Variants in CCDC73 observed in about 807,000 individuals in gnomAD.
CCDC73 encodes coiled-coil domain containing 73.
CCDC73 carries 95 observed loss-of-function variants against 116.5 expected under a neutral mutation model. That is an observed-to-expected ratio of 0.82 (90% CI 0.69 to 0.97). The LOEUF is 0.97. Among genes scored for constraint, CCDC73 ranks in the 50% least tolerant of loss-of-function variants. CCDC73 has a pLI of 0.00. For missense variants in CCDC73, 1,066 were observed against 1,206.8 expected (o/e 0.88, Z 1.73); for synonymous variants, 398 against 401.3 (o/e 0.99, Z 0.10).
At chr11:32,608,266 A>G (rs1421800706) in intron 17 of CCDC73, among the ~76,000 whole-genome samples, 1 of 152,214 alleles carries the variant, frequency 6.6e-6, no homozygotes, top group African/African-American at 2.4e-5. Context: ...AGACAAGGCA[A>G]GTCCCTTCCA....
intron 9 of CCDC73, among the ~76,000 whole-genome samples, chr11:32,660,204 G>A (rs1379949944): frequency 1.6e-5 from 2 of 123,276 alleles, no homozygotes; most frequent in African/African-American, 6.3e-5. Flanking sequence ...AATTCACCCA[G>A]TCTCTTTGGG....
At chr11:32,730,042 C>T (rs759995771) in intron 2 of CCDC73, among the ~76,000 whole-genome samples, 44 of 152,258 alleles carry the variant, frequency 2.9e-4, no homozygotes, top group East Asian at 1.2e-3. Context: ...GTTTATGTTA[C>T]GCATTTGTGA....
chr11:32,621,024 GAC>G (rs1468678642), intron 14 of CCDC73, among the ~76,000 whole-genome samples: 8 of 152,090 alleles, frequency 5.3e-5, no homozygotes, highest in African/African-American at 1.9e-4. Flanking sequence ...AATAAGAGAG[GAC>G]ACAAACAAAT....
chr11:32,759,969 C>T (rs975185875), intron 2 of CCDC73, 140 bp downstream of exon 2: 1 of 686,694 alleles, frequency 1.5e-6, no homozygotes, highest in Non-Finnish European at 2.5e-6. Flanking sequence ...CTGTCCTATT[C>T]TCTTTTACTT....
intron 1 of CCDC73, among the ~76,000 whole-genome samples, chr11:32,769,023 A>C (rs1256738516): frequency 6.6e-6 from 1 of 152,174 alleles, no homozygotes; most frequent in Non-Finnish European, 1.5e-5. Context: ...ATTCCACAAC[A>C]TACCAGGTCA....
At chr11:32,699,467 A>G (rs768191230) in intron 5 of CCDC73, 142 bp from the exon 6 acceptor site, 4 of 1,115,000 alleles carry the variant, frequency 3.6e-6, no homozygotes, top group Non-Finnish European at 4.6e-6. Flanking sequence ...AGGGTAAAAT[A>G]TAAGAGCTCA....
At chr11:32,765,681 C>A (rs1004333179) in intron 1 of CCDC73, among the ~76,000 whole-genome samples, 7 of 152,174 alleles carry the variant, frequency 4.6e-5, no homozygotes, top group African/African-American at 1.7e-4. Context: ...AAAATTGACA[C>A]CCTAACATCA....
chr11:32,730,685 G>T (rs1308614546), intron 2 of CCDC73, among the ~76,000 whole-genome samples: 1 of 152,060 alleles, frequency 6.6e-6, no homozygotes, highest in African/African-American at 2.4e-5. Context: ...TTGAAACTCT[G>T]GGTGGTAGGT....
rs1269100147 is a variant in CCDC73 at position 32,615,966 on chromosome 11, G to T, written c.1349C>A (p.Ser450Ter). The change falls in exon 15 of 18, where the codon TCA becomes TAA. Residue 450 changes from serine (S) to a stop codon, truncating the protein, a stop_gained. Coordinates refer to ENST00000335185, the MANE Select transcript of CCDC73 (RefSeq NM_001008391.4). LOFTEE classifies it high-confidence loss of function. Reference protein sequence around the residue: ...YREKEEKKEGSFIEEIIIDDL... With the variant: ...YREKEEKKEG ...ATCTATAATTATTTCCTCTATAAAT[G>T]AGCCTTCTTTTTTTTCTTCTTTTTC... 1.3e-6 allele frequency: 2 copies of T among 1,576,288 alleles called. No homozygotes were observed. Among genetic ancestry groups the T allele is most frequent in the South Asian group, 1.2e-5 (1 of 86,520 alleles).
At chr11:32,686,029 CT>C (rs2133298452) in intron 6 of CCDC73, among the ~76,000 whole-genome samples, 1 of 151,898 alleles carries the variant, frequency 6.6e-6, no homozygotes, top group Admixed American at 6.6e-5. Flanking sequence ...CCTGACTTAG[CT>C]TTTTAAAGAC....
chr11:32,632,469 A>G (rs1043410354), intron 14 of CCDC73, among the ~76,000 whole-genome samples: 3 of 151,718 alleles, frequency 2.0e-5, no homozygotes, highest in Non-Finnish European at 4.4e-5. Context: ...CAGGTGATCC[A>G]CTCGCCTCAG....
intron 9 of CCDC73, among the ~76,000 whole-genome samples, chr11:32,661,305 A>G (rs1362740293): frequency 6.6e-6 from 1 of 151,902 alleles, no homozygotes; most frequent in Non-Finnish European, 1.5e-5. Context: ...TGAATCGACA[A>G]TTTTTTTTAT....
chr11:32,692,611 T>C (rs1363001435), intron 6 of CCDC73, among the ~76,000 whole-genome samples: 1 of 152,178 alleles, frequency 6.6e-6, no homozygotes, highest in Non-Finnish European at 1.5e-5. Flanking sequence ...CAATCTGGGT[T>C]TTACGACATC....
At chr11:32,636,547 A>G (rs1855680430) in intron 13 of CCDC73, among the ~76,000 whole-genome samples, 1 of 152,150 alleles carries the variant, frequency 6.6e-6, no homozygotes, top group Admixed American at 6.5e-5. Context: ...ATGGAAAAGT[A>G]TATTTGTGGT....
chr11:32,649,558 T>G (rs1329211188), intron 12 of CCDC73, among the ~76,000 whole-genome samples: 3 of 152,196 alleles, frequency 2.0e-5, no homozygotes. Flanking sequence ...AGAATGAGAA[T>G]GCTCCTCAAG....
intron 7 of CCDC73, 36 bp from the exon 8 acceptor site, chr11:32,676,057 AACAC>A: frequency 6.6e-7 from 1 of 1,521,676 alleles, no homozygotes; most frequent in Non-Finnish European, 8.8e-7. Context: ...TTATACATAT[AACAC>A]ACACACATCG....
chr11:32,799,248 C>T (rs145767163), upstream of CCDC73, among the ~76,000 whole-genome samples: 69 of 152,076 alleles, frequency 4.5e-4, no homozygotes, highest in East Asian at 0.01. Context: ...TGCGCCACCA[C>T]GCTCAGTTAA....
At chr11:32,679,439 C>A (rs1202581404) in intron 7 of CCDC73, among the ~76,000 whole-genome samples, 1 of 152,158 alleles carries the variant, frequency 6.6e-6, no homozygotes, top group Non-Finnish European at 1.5e-5. Flanking sequence ...TCTCGGCTCA[C>A]TGCAACCTCC....
At chr11:32,706,340 T>C (rs1051789570) in intron 3 of CCDC73, among the ~76,000 whole-genome samples, 1 of 152,162 alleles carries the variant, frequency 6.6e-6, no homozygotes. Flanking sequence ...ATGTAACAAA[T>C]TTGTAATGGG....
Sources: gnomAD v4.1 joint callset for allele counts (sites outside exome capture counted in the v4.1 genomes callset) on GRCh38, gnomAD v4.1.1 for gene constraint, MANE v1.5 for transcripts, NCBI Gene and HGNC (gene_info 2026-07-23, HGNC 2026-07-21) for gene names.